Variants in ZMYND8 observed in about 807,000 individuals in gnomAD.
ZMYND8 encodes the protein zinc finger MYND-type containing 8.
A neutral mutation model predicts 140.8 loss-of-function variants in ZMYND8; 37 were observed. The observed-to-expected ratio is 0.26, with a 90% CI of 0.20 to 0.35. ZMYND8 has a LOEUF of 0.35. Ranked by LOEUF, ZMYND8 falls within the 10% of genes least tolerant of loss-of-function variation. The pLI is 1.00. For missense variants in ZMYND8, 1,068 were observed against 1,570.0 expected, an observed-to-expected ratio of 0.68 and a Z score of 5.40; for synonymous variants, 592 against 597.1, an observed-to-expected ratio of 0.99 and a Z score of 0.12.
intron 20 of ZMYND8, among the ~76,000 whole-genome samples, chr20:47,220,533 C>T (rs901744078): frequency 2.6e-5 from 4 of 152,186 alleles, no homozygotes; most frequent in African/African-American, 4.8e-5. Context: ...CAGACTGGAA[C>T]GCAGCACCAG....
At chr20:47,219,202 C>T (rs1454749835) in intron 21 of ZMYND8, among the ~76,000 whole-genome samples, 1 of 151,414 alleles carries the variant, frequency 6.6e-6, no homozygotes, top group Admixed American at 6.6e-5. Context: ...GGATTACAGG[C>T]GCATGTCACC....
At chr20:47,252,025 C>A (rs942887784) in intron 12 of ZMYND8, among the ~76,000 whole-genome samples, 1 of 151,818 alleles carries the variant, frequency 6.6e-6, no homozygotes, top group Admixed American at 6.6e-5. Flanking sequence ...CCGGGCGCAG[C>A]AGTTCACGCC....
chr20:47,212,506 A>C (rs1417809741), intron 22 of ZMYND8, 136 bp downstream of exon 22: 1 of 984,054 alleles, frequency 1.0e-6, no homozygotes, highest in Non-Finnish European at 1.6e-6. Context: ...GAAACGTTGC[A>C]AAGGAAGACC....
intron 2 of ZMYND8, among the ~76,000 whole-genome samples, chr20:47,315,429 G>A (rs1399597971): frequency 6.6e-6 from 1 of 152,154 alleles, no homozygotes; most frequent in Non-Finnish European, 1.5e-5. Flanking sequence ...GTCAACAGCA[G>A]GAGATTTCAA....
rs1376760067 is a variant in ZMYND8, at chr20:47,246,310, G to A, written c.1982C>T (p.Pro661Leu). 3 of 1,614,064 alleles carry A rather than the reference G, an allele frequency of 1.9e-6. No homozygotes were observed. Among genetic ancestry groups the A allele is most frequent in the Non-Finnish European group, 2.5e-6 (3 of 1,180,020 alleles). ...TTTCAGCTCCTCTTTAATCTCCACT[G>A]GGTTTGTAGGCTTGGGCTTTTTTTT... is the stretch of plus-strand genomic sequence containing the variant. ...AVKKKPKPTN[P>L]VEIKEELKST... Residue 661 changes from proline to leucine, a missense_variant, in exon 14 of 23, where the codon CCA becomes CTA. Physicochemically the swap from Pro to Leu is moderately conservative, Grantham distance 98 (BLOSUM62 -3). Transcript: ENST00000471951.
chr20:47,210,905 G>A lies in ZMYND8; in HGVS notation c.3569-8C>T. On this transcript the variant is annotated splice_region_variant and splice_polypyrimidine_tract_variant and intron_variant, in intron 22 of 22. Transcript: ENST00000471951. ...TATTACTCCGGGAATGGTCTGAGGG[G>A]GAAAACCAATGTGTTTAGCGTGCCT... 2 of 1,612,864 alleles carry A rather than the reference G, an allele frequency of 1.2e-6. No homozygotes were observed. The highest frequency in any genetic ancestry group is 1.7e-6 in the Non-Finnish European group (2 of 1,179,010).
At chr20:47,249,648 TAAAC>T (rs2074009153) in intron 12 of ZMYND8, among the ~76,000 whole-genome samples, 1 of 141,960 alleles carries the variant, frequency 7.0e-6, no homozygotes, top group Non-Finnish European at 1.6e-5. Context: ...TTGGCAGGTT[TAAAC>T]AGTCCACTGA....
rs1279722868 is a variant in ZMYND8, at chr20:47,209,798, A to C, written c.*963T>G. The C allele has an allele frequency of 6.6e-6, 1 of 152,658 alleles. No homozygotes were observed. Among genetic ancestry groups the C allele is most frequent in the Non-Finnish European group, 1.5e-5 (1 of 68,034 alleles). 9.5% of individuals were successfully genotyped at this position (152,658 alleles called of 1,614,324 possible). On this transcript the variant is annotated 3_prime_UTR_variant, in exon 23 of 23. Transcript: ENST00000471951. The stretch of plus-strand genomic sequence containing the variant: ...TGCCTGTGTTTCATGCTTACATAAA[A>C]ACGTGAAATTCCATCATATAAATAA...
intron 2 of ZMYND8, among the ~76,000 whole-genome samples, chr20:47,314,357 G>C (rs1422972035): frequency 1.3e-5 from 2 of 152,246 alleles, no homozygotes; most frequent in Admixed American, 6.5e-5. Flanking sequence ...AAATCAGCCA[G>C]GTGTGGTGGT....
intron 7 of ZMYND8, 36 bp downstream of exon 7, chr20:47,290,151 G>C (rs1211674310): frequency 1.3e-6 from 2 of 1,587,280 alleles, no homozygotes; most frequent in South Asian, 2.2e-5. Flanking sequence ...CACATACACA[G>C]CATACTCTTT....
At chr20:47,308,916 A>G (rs1304247097) in intron 3 of ZMYND8, among the ~76,000 whole-genome samples, 1 of 152,212 alleles carries the variant, frequency 6.6e-6, no homozygotes, top group Non-Finnish European at 1.5e-5. Context: ...CCTCTACTCA[A>G]TAATGCACAA....
intron 2 of ZMYND8, among the ~76,000 whole-genome samples, chr20:47,343,685 T>G (rs1157010943): frequency 6.6e-6 from 1 of 152,180 alleles, no homozygotes; most frequent in Non-Finnish European, 1.5e-5. Context: ...TTAGTAGAGA[T>G]GGGATTTTGC....
intron 18 of ZMYND8, among the ~76,000 whole-genome samples, chr20:47,225,550 TTGACAAGGGA>T (rs2037559256): frequency 1.4e-4 from 1 of 6,974 alleles, no homozygotes; most frequent in Non-Finnish European, 2.6e-4. Context: ...TGAAACTCCA[TTGACAAGGGA>T]GGGGAAGGGA....
At chr20:47,321,326 C>T (rs546409584) in intron 2 of ZMYND8, among the ~76,000 whole-genome samples, 1 of 152,280 alleles carries the variant, frequency 6.6e-6, no homozygotes, top group South Asian at 2.1e-4. Context: ...TATCAGCACA[C>T]CCAGGGGACA....
chr20:47,229,156 A>C (rs571039854), intron 17 of ZMYND8, among the ~76,000 whole-genome samples: 3 of 150,844 alleles, frequency 2.0e-5, no homozygotes, highest in Non-Finnish European at 4.4e-5. Context: ...TTGTTTTTTT[A>C]AAATTTTTGT....
rs1480615238 is a variant in ZMYND8 at position 47,209,933 on chromosome 20, A to C, written c.*828T>G. The C allele has an allele frequency of 2.0e-5, 3 of 152,684 alleles. No individual in the cohort carries two copies. Among genetic ancestry groups the C allele is most frequent in the Non-Finnish European group, 4.4e-5 (3 of 68,048 alleles). The allele number at this position is 152,684 out of a possible 1,614,324, so 9.5% of individuals were successfully genotyped here. Reference sequence around the variant, plus strand: ...TGACCAAGTGTGTGTGAGTGTGTTTAAAGGAACCACAAAGCAAAGATAAGG... The same window carrying C: ...TGACCAAGTGTGTGTGAGTGTGTTTCAAGGAACCACAAAGCAAAGATAAGG... On this transcript the variant is annotated 3_prime_UTR_variant, in exon 23 of 23. Coordinates refer to ENST00000471951, the MANE Select transcript of ZMYND8 (RefSeq NM_001281775.3).
intron 14 of ZMYND8, 34 bp from the exon 15 acceptor site, chr20:47,239,172 C>A (rs747189881): frequency 1.3e-6 from 2 of 1,484,550 alleles, no homozygotes; most frequent in Non-Finnish European, 1.8e-6. Context: ...CAAACAAAAA[C>A]CGGATTTCAC....
chr20:47,311,697 T>A (rs1460941793), intron 2 of ZMYND8, among the ~76,000 whole-genome samples: 5 of 152,022 alleles, frequency 3.3e-5, no homozygotes, highest in Admixed American at 3.3e-4. Context: ...TAAAACCCCG[T>A]CTCTACTAAA....
chr20:47,303,261 A>G (rs1029264728), intron 3 of ZMYND8, among the ~76,000 whole-genome samples: 2 of 152,196 alleles, frequency 1.3e-5, no homozygotes, highest in African/African-American at 4.8e-5. Flanking sequence ...CCAAGCAAGC[A>G]GAACTATTTC....
Sources: gnomAD v4.1 joint callset for allele counts (sites outside exome capture counted in the v4.1 genomes callset) on GRCh38, gnomAD v4.1.1 for gene constraint, MANE v1.5 for transcripts, NCBI Gene and HGNC (gene_info 2026-07-23, HGNC 2026-07-21) for gene names.